Variants in SEMA5A observed in about 807,000 individuals in gnomAD.
The protein encoded by SEMA5A is semaphorin 5A.
Under a neutral mutation model 135.5 loss-of-function variants are expected in SEMA5A, and 55 were observed. The observed-to-expected ratio is 0.41, with a 90% CI of 0.33 to 0.51. SEMA5A has a LOEUF of 0.51. Ranked by LOEUF, SEMA5A falls within the 20% of genes least tolerant of loss-of-function variation. The pLI, the probability that SEMA5A is intolerant of heterozygous loss-of-function variation, is 0.37. For synonymous variants in SEMA5A, 580 were observed against 546.5 expected (o/e 1.06, Z -0.85); for missense variants, 1,290 against 1,419.9 (o/e 0.91, Z 1.47).
At chr5:9,096,743 T>C (rs1395274264) in intron 16 of SEMA5A, among the ~76,000 whole-genome samples, 1 of 151,980 alleles carries the variant, frequency 6.6e-6, no homozygotes, top group Non-Finnish European at 1.5e-5. Context: ...TCATACAACA[T>C]GATAAAAAAA....
intron 1 of SEMA5A, among the ~76,000 whole-genome samples, chr5:9,510,877 A>G (rs2126845026): frequency 6.6e-6 from 1 of 152,344 alleles, no homozygotes; most frequent in African/African-American, 2.4e-5. Context: ...AGTTTGGAGC[A>G]TATTTTTGGT....
At chr5:9,243,980 C>A (rs1260981028) in intron 5 of SEMA5A, among the ~76,000 whole-genome samples, 1 of 152,112 alleles carries the variant, frequency 6.6e-6, no homozygotes, top group African/African-American at 2.4e-5. Flanking sequence ...AAATATTAAT[C>A]AAAAAAGCCA....
intron 2 of SEMA5A, among the ~76,000 whole-genome samples, chr5:9,381,981 T>TGTGTGTGTGTGTGTGTGTGTGC (rs1411451751): frequency 1.0e-5 from 1 of 99,920 alleles, no homozygotes; most frequent in Non-Finnish European, 2.1e-5. Flanking sequence ...TGTGTGTGTG[T>TGTGTGTGTGTGTGTGTGTGTGC]GCGCGCGCGC....
At chr5:9,104,054 T>C (rs1046051340) in intron 16 of SEMA5A, among the ~76,000 whole-genome samples, 1 of 152,220 alleles carries the variant, frequency 6.6e-6, no homozygotes, top group African/African-American at 2.4e-5. Flanking sequence ...TTATCATTTA[T>C]CACTTAACAT....
chr5:9,285,545 TA>T (rs533649404), intron 5 of SEMA5A, among the ~76,000 whole-genome samples: 178 of 152,372 alleles, frequency 1.2e-3, no homozygotes, highest in African/African-American at 3.8e-3. Context: ...CCATTAAAAC[TA>T]TCAGTCAAAA....
At chr5:9,216,252 C>G (rs868686948) in intron 8 of SEMA5A, among the ~76,000 whole-genome samples, 16 of 152,110 alleles carry the variant, frequency 1.1e-4, no homozygotes, top group African/African-American at 3.6e-4. Context: ...ACAAAAGTCA[C>G]CCAGGAGCAT....
At chr5:9,209,974 C>A (rs549163917) in intron 8 of SEMA5A, among the ~76,000 whole-genome samples, 1 of 152,326 alleles carries the variant, frequency 6.6e-6, no homozygotes, top group East Asian at 1.9e-4. Context: ...CTGCTAGAAT[C>A]TCTAGACAAT....
chr5:9,266,377 A>G (rs1749684028), intron 5 of SEMA5A, among the ~76,000 whole-genome samples: 1 of 152,304 alleles, frequency 6.6e-6, no homozygotes, highest in East Asian at 1.9e-4. Context: ...ATGGAAATAA[A>G]TGATCTGGAG....
chr5:9,329,779 G>C (rs988285276), intron 4 of SEMA5A, among the ~76,000 whole-genome samples: 7 of 152,148 alleles, frequency 4.6e-5, no homozygotes, highest in Non-Finnish European at 8.8e-5. Flanking sequence ...TATCCCCAGA[G>C]CATTGGCTCC....
intron 5 of SEMA5A, among the ~76,000 whole-genome samples, chr5:9,263,611 C>A (rs1749523485): frequency 6.6e-6 from 1 of 152,168 alleles, no homozygotes; most frequent in African/African-American, 2.4e-5. Flanking sequence ...GTCGTTAGAA[C>A]TCTTGTATTC....
chr5:9,470,797 C>T (rs199979254), intron 1 of SEMA5A, among the ~76,000 whole-genome samples: 8 of 152,184 alleles, frequency 5.3e-5, no homozygotes, highest in Non-Finnish European at 8.8e-5. Flanking sequence ...GCACCTCCAG[C>T]AAGCCCAGAT....
chr5:9,224,212 A>AT (rs1164271863), intron 8 of SEMA5A, among the ~76,000 whole-genome samples: 3 of 152,116 alleles, frequency 2.0e-5, no homozygotes, highest in Non-Finnish European at 2.9e-5. Context: ...GAGTTGATAC[A>AT]TTTTTTACAT....
Position 9,226,876 on chromosome 5 carries a change from T to C in SEMA5A, c.425A>G (p.Asn142Ser), listed in dbSNP as rs748079929. ...CACAAAAAGAAGCCATACCGAGCGG[T>C]TGGTGCAGACAGGCGTGAATGCATT... Reference protein sequence around the residue: ...GTNAFTPVCTNRSLSNLTEIH... With the variant: ...GTNAFTPVCTSRSLSNLTEIH... The change falls in exon 7 of 23, where the codon AAC (asparagine) becomes AGC (serine). Residue 142 changes from asparagine (N) to serine (S), a missense_variant. Coordinates refer to ENST00000382496, the MANE Select transcript of SEMA5A (RefSeq NM_003966.3). The C allele has an allele frequency of 1.9e-6, 3 of 1,603,486 alleles. No homozygotes were observed. Among genetic ancestry groups the C allele is most frequent in the East Asian group, 2.3e-5 (1 of 44,132 alleles).
intron 5 of SEMA5A, among the ~76,000 whole-genome samples, chr5:9,264,038 T>A (rs1749548054): frequency 6.6e-6 from 1 of 152,238 alleles, no homozygotes; most frequent in Non-Finnish European, 1.5e-5. Context: ...ATGGTCACTA[T>A]GTGCCTACCT....
At chr5:9,256,215 G>A (rs572395984) in intron 5 of SEMA5A, among the ~76,000 whole-genome samples, 33 of 152,092 alleles carry the variant, frequency 2.2e-4, no homozygotes, top group African/African-American at 7.7e-4. Flanking sequence ...TAATACCTTC[G>A]AGTGGCTTGC....
chr5:9,248,848 C>A (rs1033189992), intron 5 of SEMA5A, among the ~76,000 whole-genome samples: 1 of 152,110 alleles, frequency 6.6e-6, no homozygotes, highest in Non-Finnish European at 1.5e-5. Context: ...CCGGGGGACC[C>A]CTTTATTTTA....
At chr5:9,198,086 G>A (rs985787271) in intron 9 of SEMA5A, among the ~76,000 whole-genome samples, 11 of 152,000 alleles carry the variant, frequency 7.2e-5, no homozygotes, top group Admixed American at 5.2e-4. Flanking sequence ...AGCTCAGTCC[G>A]GGTTCTCAAA....
At chr5:9,275,125 T>G (rs573700620) in intron 5 of SEMA5A, among the ~76,000 whole-genome samples, 2 of 151,716 alleles carry the variant, frequency 1.3e-5, no homozygotes, top group African/African-American at 2.4e-5. Flanking sequence ...ATCAAGTAGA[T>G]GCAATAAAAA....
intron 1 of SEMA5A, among the ~76,000 whole-genome samples, chr5:9,494,487 C>T (rs1041603090): frequency 3.3e-5 from 5 of 152,138 alleles, no homozygotes; most frequent in South Asian, 4.1e-4. Context: ...GGCTCCCCAA[C>T]GCGGCTGCTC....
Sources: allele counts gnomAD v4.1 joint callset (sites outside exome capture counted in the v4.1 genomes callset), GRCh38; gene constraint gnomAD v4.1.1; transcripts MANE v1.5; gene names NCBI Gene and HGNC (gene_info 2026-07-23, HGNC 2026-07-21).